EXOC6: variants seen among roughly 807,000 people sequenced by gnomAD.
EXOC6 encodes the protein exocyst complex component 6.
A neutral mutation model predicts 112.5 loss-of-function variants in EXOC6; 60 were observed. That is an observed-to-expected ratio of 0.53 (90% CI 0.43 to 0.66). The LOEUF is 0.66. Ranked by LOEUF, EXOC6 falls within the 30% of genes least tolerant of loss-of-function variation. EXOC6 has a pLI of 0.00. For synonymous variants in EXOC6, 295 were observed against 308.0 expected (o/e 0.96, Z 0.44); for missense variants, 855 against 957.1 (o/e 0.89, Z 1.41).
intron 1 of EXOC6, among the ~76,000 whole-genome samples, chr10:92,884,815 G>A (rs1389992880): frequency 2.0e-5 from 3 of 151,972 alleles, no homozygotes; most frequent in Non-Finnish European, 2.9e-5. Context: ...TATATAAAAA[G>A]TGATGAGTTT....
rs1365949879 is a variant in EXOC6, at chr10:92,909,350, A to G, written c.459-77A>G. Reference sequence around the variant, plus strand: ...CTTTTTGATGAATAATCAGTGTAAAACTGATTATTTAGATTTACTTGTAAA... The same window carrying G: ...CTTTTTGATGAATAATCAGTGTAAAGCTGATTATTTAGATTTACTTGTAAA... On this transcript the variant is annotated intron_variant, in intron 5 of 21. Transcript: ENST00000260762. 24 of 1,072,328 alleles carry G rather than the reference A, an allele frequency of 2.2e-5. No homozygotes were observed. In the Admixed American group the frequency reaches 5.7e-4, roughly 25 times the overall value. 66.4% of individuals were successfully genotyped at this position (1,072,328 alleles called of 1,614,324 possible).
intron 1 of EXOC6, among the ~76,000 whole-genome samples, chr10:92,864,614 GC>G (rs1848084420): frequency 6.6e-6 from 1 of 151,950 alleles, no homozygotes; most frequent in South Asian, 2.1e-4. Flanking sequence ...AAGAAGGTCT[GC>G]CATCGCCAAT....
intron 9 of EXOC6, among the ~76,000 whole-genome samples, chr10:92,930,452 GACAT>G (rs373574258): frequency 5.3e-5 from 8 of 152,030 alleles, no homozygotes; most frequent in African/African-American, 1.9e-4. Flanking sequence ...GCAGTGAGCC[GACAT>G]CGCACCATTG....
intron 6 of EXOC6, among the ~76,000 whole-genome samples, chr10:92,914,696 C>T (rs1432613938): frequency 6.6e-6 from 1 of 152,076 alleles, no homozygotes; most frequent in African/African-American, 2.4e-5. Context: ...AAGAGAGGAG[C>T]CAGATTACTG....
rs1447686891 is a variant in EXOC6 at position 92,971,175 on chromosome 10, C to T, written c.1774-2878C>T. Among the ~76,000 whole-genome samples the T allele has an allele frequency of 3.9e-5, 6 of 152,132 alleles. No individual in the cohort carries two copies. The East Asian group carries it at 7.7e-4, about 20-fold the overall frequency. ...CATGCCATTCTCCTGCCTCAGCCTC[C>T]CGAGTAGCTGGGACTACAGGCGCAG... is the stretch of plus-strand genomic sequence containing the variant. On this transcript the variant is annotated intron_variant, in intron 17 of 21. Coordinates refer to ENST00000260762, the MANE Select transcript of EXOC6 (RefSeq NM_019053.6).
At position 93,058,437 on chromosome 10, in the gene EXOC6, T is replaced by C. The variant is rs1339868486; in HGVS notation, c.*82T>C. On this transcript the variant is annotated 3_prime_UTR_variant, in exon 22 of 22. Coordinates refer to ENST00000260762, the MANE Select transcript of EXOC6 (RefSeq NM_019053.6). The stretch of plus-strand genomic sequence containing the variant: ...GCAAGTATTGGTCATGATACAGTAA[T>C]TTGTTTACAGAATCCAAAAATACAA... 7.9e-7 allele frequency: 1 copy of C among 1,264,182 alleles called. No homozygotes were observed. The highest frequency in any genetic ancestry group is 2.7e-5 in the East Asian group (1 of 36,522). 78.3% of individuals were successfully genotyped at this position (1,264,182 alleles called of 1,614,324 possible). A position where few individuals can be genotyped will look rare whatever the true frequency, so the allele number is the denominator to read the frequency against.
chr10:92,831,730 C>T (rs1201752517), upstream of EXOC6, among the ~76,000 whole-genome samples: 4 of 152,184 alleles, frequency 2.6e-5, no homozygotes, highest in Non-Finnish European at 4.4e-5. Context: ...CCACCGCGCC[C>T]AGCCTATTCT....
At chr10:92,900,542 A>G (rs1188973983) in intron 5 of EXOC6, 1 of 152,100 alleles carries the variant, frequency 6.6e-6, no homozygotes, top group Non-Finnish European at 1.5e-5. Flanking sequence ...CAAGCCAAAA[A>G]CTATTCTGAA....
chr10:93,028,755 A>G (rs903325986), intron 20 of EXOC6, among the ~76,000 whole-genome samples: 4 of 148,292 alleles, frequency 2.7e-5, no homozygotes, highest in Non-Finnish European at 1.5e-5. Flanking sequence ...AATCGCTTGA[A>G]CCTGGGAGGC....
At chr10:92,932,618 A>G (rs373146519) in intron 9 of EXOC6, among the ~76,000 whole-genome samples, 2 of 152,156 alleles carry the variant, frequency 1.3e-5, no homozygotes, top group South Asian at 4.1e-4. Context: ...AGAGATAGAC[A>G]TTTTCAGACA....
intron 15 of EXOC6, among the ~76,000 whole-genome samples, chr10:92,953,287 C>T (rs1358029727): frequency 1.3e-5 from 2 of 152,064 alleles, no homozygotes; most frequent in African/African-American, 4.8e-5. Flanking sequence ...CCATGTTGGT[C>T]AGGCTGGTTT....
intron 18 of EXOC6, among the ~76,000 whole-genome samples, chr10:92,980,212 C>G (rs770284112): frequency 5.9e-5 from 9 of 152,120 alleles, no homozygotes; most frequent in Non-Finnish European, 1.2e-4. Flanking sequence ...GTTAGAAATA[C>G]TTATATTTGA....
chr10:93,012,988 T>C (rs574042856), intron 19 of EXOC6, among the ~76,000 whole-genome samples: 2 of 151,868 alleles, frequency 1.3e-5, no homozygotes, highest in Admixed American at 1.3e-4. Flanking sequence ...CAGTGAGTTA[T>C]AATCATGCCA....
upstream of EXOC6, among the ~76,000 whole-genome samples, chr10:92,831,774 G>C (rs1000510312): frequency 2.0e-5 from 3 of 152,140 alleles, no homozygotes; most frequent in Non-Finnish European, 4.4e-5. Context: ...CCAATATTAG[G>C]AGCATATGCC....
intron 1 of EXOC6, among the ~76,000 whole-genome samples, chr10:92,854,266 C>T (rs1847491880): frequency 6.6e-6 from 1 of 151,816 alleles, no homozygotes. Context: ...GGTGAAACTC[C>T]GTCTCTACTA....
chr10:92,880,665 T>A (rs769209039), intron 1 of EXOC6, among the ~76,000 whole-genome samples: 24 of 152,076 alleles, frequency 1.6e-4, no homozygotes, highest in African/African-American at 3.1e-4. Context: ...TTAAAAAAAA[T>A]GGGAAAATTT....
intron 13 of EXOC6, among the ~76,000 whole-genome samples, chr10:92,945,952 T>G (rs896843628): frequency 6.6e-6 from 1 of 152,166 alleles, no homozygotes; most frequent in Admixed American, 6.5e-5. Flanking sequence ...GGTTGATTAG[T>G]GGCGCACACC....
intron 20 of EXOC6, among the ~76,000 whole-genome samples, chr10:93,030,562 G>T (rs1271217162): frequency 6.6e-6 from 1 of 152,170 alleles, no homozygotes; most frequent in African/African-American, 2.4e-5. Flanking sequence ...ATTTAATTGA[G>T]AAATTAAAAT....
intron 17 of EXOC6, among the ~76,000 whole-genome samples, chr10:92,972,713 C>G (rs1393599537): frequency 6.6e-6 from 1 of 152,180 alleles, no homozygotes; most frequent in East Asian, 1.9e-4. Flanking sequence ...TCTTATCAGC[C>G]CATAGCTTCT....
Sources: gnomAD v4.1 joint callset for allele counts (sites outside exome capture counted in the v4.1 genomes callset) on GRCh38, gnomAD v4.1.1 for gene constraint, MANE v1.5 for transcripts, NCBI Gene and HGNC (gene_info 2026-07-23, HGNC 2026-07-21) for gene names.